The following GPC3 variants were observed in gnomAD, a reference collection of about 807,000 sequenced individuals.
The protein encoded by GPC3 is glypican 3.
GPC3 carries 3 observed loss-of-function variants against 34.4 expected under a neutral mutation model. That is an observed-to-expected ratio of 0.09 (90% CI 0.04 to 0.23). GPC3 has a LOEUF of 0.23. Ranked by LOEUF, GPC3 falls within the 10% of genes least tolerant of loss-of-function variation. The probability of loss-of-function intolerance (pLI) is 1.00; values close to 1 mark genes in which losing one functional copy is unlikely to be tolerated. For missense variants in GPC3, 351 were observed against 445.6 expected (o/e 0.79, Z 1.91); for synonymous variants, 177 against 174.0 (o/e 1.02, Z -0.13).
intron 3 of GPC3, among the ~76,000 whole-genome samples, chrX:133,716,716 T>C (rs1161590974): frequency 1.8e-5 from 2 of 111,048 alleles, no homozygotes; most frequent in African/African-American, 6.6e-5. Flanking sequence ...ATACATATAA[T>C]GGAAGTTTCA....
chrX:133,933,954 T>C (rs1284466090), intron 2 of GPC3, among the ~76,000 whole-genome samples: 1 of 101,242 alleles, frequency 9.9e-6, no homozygotes, highest in Non-Finnish European at 2.0e-5. Context: ...AACCTCAGCC[T>C]CCTGGGTTCA....
At chrX:133,787,591 G>C (rs1306048907) in intron 2 of GPC3, among the ~76,000 whole-genome samples, 1 of 111,598 alleles carries the variant, frequency 9.0e-6, no homozygotes, top group African/African-American at 3.3e-5. Context: ...GTCCCCCAGG[G>C]GCCCCAGGCT....
At chrX:133,734,728 C>G (rs762346320) in intron 3 of GPC3, among the ~76,000 whole-genome samples, 2 of 111,573 alleles carry the variant, frequency 1.8e-5, no homozygotes, top group South Asian at 7.6e-4. Flanking sequence ...ATCTCTCTCT[C>G]TCTCTCTCTC....
Position 133,536,273 on chromosome X carries a change from C to T in GPC3, c.1594G>A (p.Val532Met). 8.3e-7 allele frequency: 1 copy of T among 1,203,244 alleles called. No individual in the cohort carries two copies. The highest frequency in any genetic ancestry group is 1.1e-6 in the Non-Finnish European group (1 of 887,970). Residue 532 changes from valine to methionine, a missense_variant, in exon 8 of 8, where the codon GTG becomes ATG. Val to Met is a conservative substitution (Grantham distance 21). Coordinates refer to ENST00000370818, the MANE Select transcript of GPC3 (RefSeq NM_004484.4). ...TGACTGTTTCCAGGCGCATCATCCACATCCAGATCATAGGCCAGTTCTGTC... is the reference window on the plus strand; with the variant it reads ...TGACTGTTTCCAGGCGCATCATCCATATCCAGATCATAGGCCAGTTCTGTC... ...FLAELAYDLD[V>M]DDAPGNSQQA...
At chrX:133,865,037 CT>C (rs754683812) in intron 2 of GPC3, among the ~76,000 whole-genome samples, 5 of 111,039 alleles carry the variant, frequency 4.5e-5, no homozygotes, top group African/African-American at 9.8e-5. Context: ...ATATTGTTCT[CT>C]TTTTTTTTAA....
intron 6 of GPC3, among the ~76,000 whole-genome samples, chrX:133,612,461 C>T (rs1387897610): frequency 8.9e-6 from 1 of 112,072 alleles, no homozygotes; most frequent in African/African-American, 3.2e-5. Context: ...TAATTTACAG[C>T]ACTTCTCACC....
intron 6 of GPC3, among the ~76,000 whole-genome samples, chrX:133,623,033 C>T (rs2070251447): frequency 8.9e-6 from 1 of 111,849 alleles, no homozygotes; most frequent in Non-Finnish European, 1.9e-5. Flanking sequence ...GAATTTTTAA[C>T]CCAGAATTTC....
chrX:133,911,765 G>A (rs1010656100), intron 2 of GPC3, among the ~76,000 whole-genome samples: 4 of 111,552 alleles, frequency 3.6e-5, no homozygotes. Flanking sequence ...AAAAATGAAG[G>A]AGTCACAGAG....
chrX:133,799,067 G>T (rs1263499721), intron 2 of GPC3, among the ~76,000 whole-genome samples: 1 of 112,068 alleles, frequency 8.9e-6, no homozygotes, highest in Non-Finnish European at 1.9e-5. Flanking sequence ...GCTTCTGAGT[G>T]CAGGGCTTTG....
At chrX:133,946,357 A>C (rs771999251) in intron 2 of GPC3, among the ~76,000 whole-genome samples, 1 of 111,814 alleles carries the variant, frequency 8.9e-6, no homozygotes, top group South Asian at 3.8e-4. Flanking sequence ...TAATCTCTTT[A>C]AGCCTCCATT....
intron 2 of GPC3, among the ~76,000 whole-genome samples, chrX:133,784,537 C>A (rs1469328455): frequency 9.0e-6 from 1 of 111,681 alleles, no homozygotes; most frequent in East Asian, 2.8e-4. Context: ...CCACTAATGG[C>A]ATCCCCCTAA....
chrX:133,630,701 G>T (rs2070356518), intron 6 of GPC3, among the ~76,000 whole-genome samples: 1 of 111,624 alleles, frequency 9.0e-6, no homozygotes, highest in Non-Finnish European at 1.9e-5. Flanking sequence ...GGTGCTGGGT[G>T]GCCTTGTGCC....
At chrX:133,746,460 A>G (rs962211768) in intron 3 of GPC3, among the ~76,000 whole-genome samples, 4 of 112,679 alleles carry the variant, frequency 3.5e-5, no homozygotes, top group African/African-American at 6.4e-5. Flanking sequence ...AGCTCCCCTT[A>G]TGTAACCACT....
At chrX:133,692,868 G>C (rs775026196) in intron 4 of GPC3, among the ~76,000 whole-genome samples, 1 of 111,393 alleles carries the variant, frequency 9.0e-6, no homozygotes, top group South Asian at 3.8e-4. Flanking sequence ...AGTGTAATTG[G>C]GTGCATTGAT....
intron 1 of GPC3, among the ~76,000 whole-genome samples, chrX:133,963,410 G>T (rs1012641585): frequency 2.5e-4 from 28 of 111,925 alleles, no homozygotes; most frequent in African/African-American, 8.4e-4. Flanking sequence ...ATAAAATGGA[G>T]ACAATAACAC....
chrX:133,716,067 A>G (rs1445756920), intron 3 of GPC3, among the ~76,000 whole-genome samples: 1 of 112,314 alleles, frequency 8.9e-6, no homozygotes, highest in Non-Finnish European at 1.9e-5. Flanking sequence ...CTAACTGAAC[A>G]AAGACTTCAA....
At chrX:133,775,216 C>T (rs2071966124) in intron 2 of GPC3, among the ~76,000 whole-genome samples, 1 of 110,044 alleles carries the variant, frequency 9.1e-6, no homozygotes, top group Non-Finnish European at 1.9e-5. Context: ...TGGCAATTTG[C>T]TGCCAGCGTG....
At chrX:133,646,332 AT>A (rs1360325746) in intron 6 of GPC3, among the ~76,000 whole-genome samples, 1 of 112,051 alleles carries the variant, frequency 8.9e-6, no homozygotes, top group Non-Finnish European at 1.9e-5. Flanking sequence ...TGAGTAGGAC[AT>A]AGTAGGTCCA....
chrX:133,858,600 T>G (rs1170261571), intron 2 of GPC3, among the ~76,000 whole-genome samples: 2 of 111,686 alleles, frequency 1.8e-5, no homozygotes, highest in South Asian at 3.8e-4. Context: ...CTGCTCCAAT[T>G]ATACTAGACA....
Sources: allele counts gnomAD v4.1 joint callset (sites outside exome capture counted in the v4.1 genomes callset), GRCh38; gene constraint gnomAD v4.1.1; transcripts MANE v1.5; gene names NCBI Gene and HGNC (gene_info 2026-07-23, HGNC 2026-07-21).